The following PTPRD variants were observed in gnomAD, a reference collection of about 807,000 sequenced individuals.
PTPRD encodes the protein receptor-type tyrosine-protein phosphatase delta.
PTPRD carries 34 observed loss-of-function variants against 214.5 expected under a neutral mutation model. The ratio of observed to expected loss-of-function variants is 0.16; its 90% confidence interval spans 0.12 to 0.21. The LOEUF (loss-of-function observed/expected upper bound fraction) is 0.21. Among genes scored for constraint, PTPRD ranks in the 10% least tolerant of loss-of-function variants. The probability of loss-of-function intolerance (pLI) is 1.00; values close to 1 mark genes in which losing one functional copy is unlikely to be tolerated. For missense variants in PTPRD, 2,545 were observed against 2,398.7 expected, an observed-to-expected ratio of 1.06 and a Z score of -1.27; for synonymous variants, 1,128 against 845.7, an observed-to-expected ratio of 1.33 and a Z score of -5.79.
At position 10,028,454 on chromosome 9, in the gene PTPRD, AGAC is replaced by A. The variant is rs552002967; in HGVS notation, c.-472+5261_-472+5263del. ...GCAACAGTTTGGAGGGCTCAGAAGAAGACAAGAAAATGTAGGAAAGTTTGGAAC... is the reference window on the plus strand; with the variant it reads ...GCAACAGTTTGGAGGGCTCAGAAGAAAAGAAAATGTAGGAAAGTTTGGAAC... On this transcript the variant is annotated intron_variant, in intron 4 of 45. Transcript: ENST00000381196. 2.0e-4 allele frequency among the ~76,000 whole-genome samples: 30 copies of A among 152,286 alleles called. No individual in the cohort carries two copies. In the South Asian group the frequency reaches 5.8e-3, roughly 30 times the overall value.
chr9:9,567,606 G>A (rs2084976008), intron 8 of PTPRD, among the ~76,000 whole-genome samples: 1 of 151,920 alleles, frequency 6.6e-6, no homozygotes, highest in Non-Finnish European at 1.5e-5. Context: ...ATTAATTCAA[G>A]AAGGATGTAG....
intron 8 of PTPRD, among the ~76,000 whole-genome samples, chr9:9,545,737 G>T (rs996242561): frequency 2.0e-5 from 3 of 151,616 alleles, no homozygotes; most frequent in Non-Finnish European, 3.0e-5. Flanking sequence ...CTTGAAGTTC[G>T]CTGATGTCAG....
At chr9:8,326,560 G>A (rs559820636) in intron 44 of PTPRD, among the ~76,000 whole-genome samples, 4 of 151,620 alleles carry the variant, frequency 2.6e-5, no homozygotes, top group African/African-American at 9.7e-5. Context: ...CCAGGTTTTG[G>A]TATCAGGATG....
At chr9:10,108,639 C>T (rs1388761605) in intron 3 of PTPRD, among the ~76,000 whole-genome samples, 1 of 151,974 alleles carries the variant, frequency 6.6e-6, no homozygotes, top group Non-Finnish European at 1.5e-5. Context: ...AATATAAAAT[C>T]AATATGTTGA....
chr9:8,727,485 A>G (rs2098597928), intron 12 of PTPRD, among the ~76,000 whole-genome samples: 1 of 152,222 alleles, frequency 6.6e-6, no homozygotes, highest in South Asian at 2.1e-4. Flanking sequence ...CCACACCTCT[A>G]CTAATTTAGA....
chr9:9,099,273 T>C (rs76793006), intron 10 of PTPRD, among the ~76,000 whole-genome samples: 2,958 of 152,308 alleles, frequency 0.019, 95 homozygotes, highest in African/African-American at 0.067. Flanking sequence ...TGGGTGCTGG[T>C]TCATAATTAT....
chr9:8,959,852 T>A (rs751237065), intron 11 of PTPRD, among the ~76,000 whole-genome samples: 1 of 152,014 alleles, frequency 6.6e-6, no homozygotes, highest in Non-Finnish European at 1.5e-5. Context: ...GCTAAAACAT[T>A]CTCAGTTTTA....
intron 5 of PTPRD, among the ~76,000 whole-genome samples, chr9:9,890,031 C>T (rs983811307): frequency 7.9e-5 from 12 of 151,988 alleles, no homozygotes; most frequent in Non-Finnish European, 1.0e-4. Context: ...CCCAAAGAGG[C>T]ATGGATTTCA....
rs559900081 is a variant in PTPRD, at chr9:10,210,070, A to G, written c.-545+130893T>C. Among the ~76,000 whole-genome samples, 4 of 152,218 alleles carry G rather than the reference A, an allele frequency of 2.6e-5. No individual in the cohort carries two copies. In the South Asian group the frequency reaches 6.2e-4, roughly 24 times the overall value. ...GGTGAAAAAGTTTATTTCTGAAAACATGTAGTAAAAAATAAGGAAAACTAT... is the reference window on the plus strand; with the variant it reads ...GGTGAAAAAGTTTATTTCTGAAAACGTGTAGTAAAAAATAAGGAAAACTAT... On this transcript the variant is annotated intron_variant, in intron 3 of 45. Transcript: ENST00000381196.
intron 11 of PTPRD, among the ~76,000 whole-genome samples, chr9:8,977,162 C>T (rs1420188376): frequency 6.6e-6 from 1 of 152,018 alleles, no homozygotes; most frequent in Non-Finnish European, 1.5e-5. Context: ...CTCTATTTTC[C>T]CAGCAACTTC....
chr9:8,368,375 C>A (rs1292331492), intron 39 of PTPRD, among the ~76,000 whole-genome samples: 1 of 152,104 alleles, frequency 6.6e-6, no homozygotes. Flanking sequence ...TCACTTACAA[C>A]ACAAAAGTGA....
At chr9:8,351,993 AT>A (rs1251288671) in intron 39 of PTPRD, among the ~76,000 whole-genome samples, 1 of 151,410 alleles carries the variant, frequency 6.6e-6, no homozygotes, top group Non-Finnish European at 1.5e-5. Context: ...TGGGTGTTTT[AT>A]TTTTCCATGC....
chr9:9,770,524 G>A (rs1197783132), intron 5 of PTPRD, among the ~76,000 whole-genome samples: 1 of 151,980 alleles, frequency 6.6e-6, no homozygotes, highest in South Asian at 2.1e-4. Flanking sequence ...CTTGAACACA[G>A]TATTATTTTT....
chr9:9,324,270 C>A (rs2136156848), intron 9 of PTPRD, among the ~76,000 whole-genome samples: 1 of 152,336 alleles, frequency 6.6e-6, no homozygotes, highest in Non-Finnish European at 1.5e-5. Context: ...GCCACACTGT[C>A]TTCCGCAGTG....
At position 8,977,206 on chromosome 9, in the gene PTPRD, T is replaced by C. The variant is rs943778344; in HGVS notation, c.-104+41491A>G. Among the ~76,000 whole-genome samples, 6 of 152,246 alleles carry C rather than the reference T, an allele frequency of 3.9e-5. 1 individual carries two copies. The highest frequency in any genetic ancestry group is 1.3e-4 in the Admixed American group (2 of 15,262). On this transcript the variant is annotated intron_variant, in intron 11 of 45. Transcript: ENST00000381196. ...GGGCCTCTATTAGTCTCTGCTGGTT[T>C]AACTGACTAATTTACCGTCTTCAAA...
chr9:9,812,798 C>G (rs1385284972), intron 5 of PTPRD, among the ~76,000 whole-genome samples: 1 of 152,090 alleles, frequency 6.6e-6, no homozygotes, highest in Non-Finnish European at 1.5e-5. Flanking sequence ...GAGACATATG[C>G]AGAAAATGCC....
At chr9:8,993,288 GAGTTTAATAAC>G (rs1164259692) in intron 11 of PTPRD, among the ~76,000 whole-genome samples, 1 of 152,038 alleles carries the variant, frequency 6.6e-6, no homozygotes, top group East Asian at 1.9e-4. Context: ...TTTGTAGAAT[GAGTTTAATAAC>G]AGTATCTATC....
At chr9:9,886,104 C>T (rs1245287550) in intron 5 of PTPRD, among the ~76,000 whole-genome samples, 2 of 151,934 alleles carry the variant, frequency 1.3e-5, no homozygotes, top group African/African-American at 4.8e-5. Context: ...CTCATTTATA[C>T]ACACCAGCCA....
intron 10 of PTPRD, among the ~76,000 whole-genome samples, chr9:9,085,104 G>T (rs2099765078): frequency 6.6e-6 from 1 of 151,934 alleles, no homozygotes; most frequent in South Asian, 2.1e-4. Flanking sequence ...CAATTTTTGT[G>T]GCTGCTCACA....
Sources: allele counts gnomAD v4.1 joint callset (sites outside exome capture counted in the v4.1 genomes callset), GRCh38; gene constraint gnomAD v4.1.1; transcripts MANE v1.5; gene names NCBI Gene and HGNC (gene_info 2026-07-23, HGNC 2026-07-21).